CEP43: variants seen among roughly 807,000 people sequenced by gnomAD.
CEP43 encodes FGFR1 oncogene partner.
Under a neutral mutation model 52.6 loss-of-function variants are expected in CEP43, and 36 were observed. The ratio of observed to expected loss-of-function variants is 0.68; its 90% confidence interval spans 0.52 to 0.90. The LOEUF is 0.90. Among genes scored for constraint, CEP43 ranks in the 40% least tolerant of loss-of-function variants. The pLI is 0.00. For missense variants in CEP43, 506 were observed against 472.8 expected, an observed-to-expected ratio of 1.07 and a Z score of -0.65; for synonymous variants, 192 against 172.4, an observed-to-expected ratio of 1.11 and a Z score of -0.89.
At chr6:167,036,929 T>C in intron 12 of CEP43, 1 of 202,360 alleles carries the variant, frequency 4.9e-6, no homozygotes, top group Non-Finnish European at 8.8e-6. Context: ...CTTAGCCTTC[T>C]GAGTAGCTAG....
At chr6:167,006,446 C>T (rs568997587) in intron 5 of CEP43, among the ~76,000 whole-genome samples, 3 of 151,928 alleles carry the variant, frequency 2.0e-5, no homozygotes, top group South Asian at 4.2e-4. Flanking sequence ...CAGTAGGTGG[C>T]GGTGGCAGTG....
chr6:167,008,388 C>G (rs1583271042), intron 5 of CEP43, among the ~76,000 whole-genome samples: 1 of 152,128 alleles, frequency 6.6e-6, no homozygotes, highest in Admixed American at 6.5e-5. Context: ...TAGTGATCTG[C>G]ACTGGTTACA....
At position 167,031,623 on chromosome 6, in the gene CEP43, C is replaced by T. The variant is rs574758838; in HGVS notation, c.989-980C>T. 1.2e-4 allele frequency among the ~76,000 whole-genome samples: 18 copies of T among 152,282 alleles called. No homozygotes were observed. The South Asian group carries it at 2.5e-3, about 21-fold the overall frequency. ...CTGAGGGAAGATCGAGGACAAGGCC[C>T]GCAGGGTCTTTGAACGGCTCTCTGT... On this transcript the variant is annotated intron_variant, in intron 10 of 12. Transcript: ENST00000366847.
chr6:167,043,375 C>CTTTTTTTT lies in CEP43; in HGVS notation c.*3412_*3419dup, dbSNP rs71032898. ...TCCGTGCTCCCAGTGTCCCTGTCCT[C>CTTTTTTTT]TTTTTTTTTTTTTTTTTTTTTTGAG... On this transcript the variant is annotated 3_prime_UTR_variant, in exon 13 of 13. Transcript: ENST00000366847. 1.2e-5 allele frequency: 1 copy of CTTTTTTTT among 86,358 alleles called. No individual in the cohort carries two copies. Among genetic ancestry groups the CTTTTTTTT allele is most frequent in the African/African-American group, 4.8e-5 (1 of 20,694 alleles). 5.3% of individuals were successfully genotyped at this position (86,358 alleles called of 1,614,324 possible).
intron 3 of CEP43, 130 bp from the exon 4 acceptor site, chr6:167,003,593 G>C (rs1009168042): frequency 8.2e-6 from 5 of 606,338 alleles, no homozygotes; most frequent in African/African-American, 1.9e-5. Context: ...ATTATTCAAA[G>C]AGGAAATTTG....
Position 167,009,499 on chromosome 6 carries a change from C to CAAAAA in CEP43, c.439-1288_439-1284dup, listed in dbSNP as rs139374939. Among the ~76,000 whole-genome samples the CAAAAA allele has an allele frequency of 8.8e-4, 39 of 44,152 alleles. 1 individual carries two copies. The highest frequency in any genetic ancestry group is 3.8e-3 in the African/African-American group (34 of 8,974). The allele number at this position is 44,152 out of a possible 152,430, so 29.0% of individuals were successfully genotyped here. On this transcript the variant is annotated intron_variant, in intron 5 of 12. Transcript: ENST00000366847. The stretch of plus-strand genomic sequence containing the variant: ...CACTCCACAGAGCGAGACTCTGTCT[C>CAAAAA]AAAAAAAAAAAAAAAAAAAAAAAAA...
chr6:167,038,197 A>G (rs1433827185), intron 12 of CEP43, among the ~76,000 whole-genome samples: 1 of 152,246 alleles, frequency 6.6e-6, no homozygotes, highest in African/African-American at 2.4e-5. Context: ...TTAACTTTCT[A>G]GTTTACAAGT....
Position 167,040,256 on chromosome 6 carries a change from C to T in CEP43, c.*278C>T, listed in dbSNP as rs1780668022. 1 of 1,502,296 alleles carries T rather than the reference C, an allele frequency of 6.7e-7. No individual in the cohort carries two copies. The highest frequency in any genetic ancestry group is 8.8e-7 in the Non-Finnish European group (1 of 1,134,704). 93.1% of individuals were successfully genotyped at this position (1,502,296 alleles called of 1,614,324 possible). A position where few individuals can be genotyped will look rare whatever the true frequency, so the allele number is the denominator to read the frequency against. ...TCAGTTTCATTACAGGGAAGGAACC[C>T]ATGAAAACATCAGTGTTAAGAGCAT... is the stretch of plus-strand genomic sequence containing the variant. On this transcript the variant is annotated 3_prime_UTR_variant, in exon 13 of 13. Coordinates refer to ENST00000366847, the MANE Select transcript of CEP43 (RefSeq NM_007045.4).
chr6:167,003,085 A>G (rs1157455639), intron 2 of CEP43, 108 bp from the exon 3 acceptor site: 1 of 550,958 alleles, frequency 1.8e-6, no homozygotes, highest in Non-Finnish European at 3.2e-6. Flanking sequence ...ACAGTTGTAG[A>G]ATGGATTTTG....
At chr6:167,008,463 AT>A (rs148027487) in intron 5 of CEP43, among the ~76,000 whole-genome samples, 2 of 150,498 alleles carry the variant, frequency 1.3e-5, no homozygotes, top group African/African-American at 2.4e-5. Context: ...AGGCATTGTG[AT>A]TTTTTTTTGT....
Position 167,004,348 on chromosome 6 carries a change from T to C in CEP43, c.385T>C (p.Leu129=), listed in dbSNP as rs752493987. 3 of 1,611,542 alleles carry C rather than the reference T, an allele frequency of 1.9e-6. No individual in the cohort carries two copies. The highest frequency in any genetic ancestry group is 4.5e-5 in the East Asian group (2 of 44,794). ...AEGTVGGPLL[L]EVIRRCQQKE... is the part of the protein sequence containing the mutation. ...AGGTACTGTGGGTGGACCCTTATTATTAGAAGTGATCAGGCGCTGTCAACA... is the reference window on the plus strand; with the variant it reads ...AGGTACTGTGGGTGGACCCTTATTACTAGAAGTGATCAGGCGCTGTCAACA... The change falls in exon 5 of 13, where the codon TTA becomes CTA. Residue 129 remains leucine, a synonymous_variant. Coordinates refer to ENST00000366847, the MANE Select transcript of CEP43 (RefSeq NM_007045.4).
chr6:167,030,945 C>A (rs1780457363), intron 10 of CEP43, among the ~76,000 whole-genome samples: 1 of 152,178 alleles, frequency 6.6e-6, no homozygotes. Flanking sequence ...CGGCTTCTGC[C>A]AACCCTTCTG....
In CEP43 at chr6:167,003,278, A is replaced by G. The variant is rs376722073; in HGVS notation, c.211+31A>G. 7.7e-6 allele frequency: 10 copies of G among 1,298,410 alleles called. No individual in the cohort carries two copies. The South Asian group carries it at 1.0e-4, about 13-fold the overall frequency. The allele number at this position is 1,298,410 out of a possible 1,614,324, so 80.4% of individuals were successfully genotyped here. A position where few individuals can be genotyped will look rare whatever the true frequency, so the allele number is the denominator to read the frequency against. On this transcript the variant is annotated intron_variant, in intron 3 of 12. Transcript: ENST00000366847. ...ATGTTCAGTTTGTTCTTGTTTATCT[A>G]TCTCTGAATTTTTGAATCTTGATAC...
intron 5 of CEP43, among the ~76,000 whole-genome samples, chr6:167,008,131 T>G (rs1050264698): frequency 1.3e-5 from 2 of 152,210 alleles, no homozygotes; most frequent in African/African-American, 4.8e-5. Context: ...GTGTTTTTTT[T>G]TTTTTTAATG....
At chr6:167,032,510 A>C in intron 10 of CEP43, 93 bp from the exon 11 acceptor site, 1 of 1,160,456 alleles carries the variant, frequency 8.6e-7, no homozygotes. Context: ...AAATGATGCA[A>C]TATAATTAAT....
chr6:167,003,609 T>TA, intron 3 of CEP43, 114 bp from the exon 4 acceptor site: 1 of 649,136 alleles, frequency 1.5e-6, no homozygotes. Flanking sequence ...ATTTGTAACT[T>TA]AAAAAATTTA....
chr6:167,005,547 C>T lies in CEP43; in HGVS notation c.438+1146C>T, dbSNP rs557092724. 1.5e-3 allele frequency among the ~76,000 whole-genome samples: 232 copies of T among 152,308 alleles called. 1 individual carries two copies. Among genetic ancestry groups the T allele is most frequent in the Non-Finnish European group, 4.1e-4 (28 of 68,032 alleles). On this transcript the variant is annotated intron_variant, in intron 5 of 12. Coordinates refer to ENST00000366847, the MANE Select transcript of CEP43 (RefSeq NM_007045.4). Reference sequence around the variant, plus strand: ...GCTTTCCGAGAAGTTGGAACGGTGCCAGCCAAGCGTGGGAGCAGGAGAGCA... The same window carrying T: ...GCTTTCCGAGAAGTTGGAACGGTGCTAGCCAAGCGTGGGAGCAGGAGAGCA...
chr6:167,013,371 A>C, intron 6 of CEP43, 137 bp from the exon 7 acceptor site: 1 of 615,754 alleles, frequency 1.6e-6, no homozygotes, highest in South Asian at 2.1e-5. Flanking sequence ...CAAAAAAAGC[A>C]GGCCTCACAG....
At position 167,035,445 on chromosome 6, in the gene CEP43, G is replaced by C. The variant is rs534499272; in HGVS notation, c.1125+1474G>C. 1.8e-3 allele frequency among the ~76,000 whole-genome samples: 277 copies of C among 152,256 alleles called. 4 individuals are homozygous for C. Among genetic ancestry groups the C allele is most frequent in the Non-Finnish European group, 2.2e-3 (148 of 68,020 alleles). On this transcript the variant is annotated intron_variant, in intron 12 of 12. Transcript: ENST00000366847. ...TTAGAGAGCACAGGGCTGGGGATGTGGGGGTGTGAGGAAGGAGATAGCCCA... is the reference window on the plus strand; with the variant it reads ...TTAGAGAGCACAGGGCTGGGGATGTCGGGGTGTGAGGAAGGAGATAGCCCA...
Sources: allele counts gnomAD v4.1 joint callset (sites outside exome capture counted in the v4.1 genomes callset), GRCh38; gene constraint gnomAD v4.1.1; transcripts MANE v1.5; gene names NCBI Gene and HGNC (gene_info 2026-07-23, HGNC 2026-07-21).